Variants in SMAP1 observed in about 807,000 individuals in gnomAD.
SMAP1 encodes small ArfGAP 1.
Under a neutral mutation model 58.5 loss-of-function variants are expected in SMAP1, and 24 were observed. The observed-to-expected ratio is 0.41, with a 90% CI of 0.30 to 0.58. The LOEUF is 0.58. Among genes scored for constraint, SMAP1 ranks in the 20% least tolerant of loss-of-function variants. The pLI, the probability that SMAP1 is intolerant of heterozygous loss-of-function variation, is 0.29. For synonymous variants in SMAP1, 216 were observed against 196.6 expected (o/e 1.10, Z -0.82); for missense variants, 563 against 566.3 (o/e 0.99, Z 0.06).
intron 4 of SMAP1, among the ~76,000 whole-genome samples, chr6:70,774,950 C>T (rs1767487451): frequency 6.6e-6 from 1 of 150,666 alleles, no homozygotes; most frequent in South Asian, 2.1e-4. Context: ...GCAGAGGTTT[C>T]AGTGAGCTGA....
intron 6 of SMAP1, among the ~76,000 whole-genome samples, chr6:70,834,636 C>A (rs928526111): frequency 3.5e-4 from 54 of 152,184 alleles, no homozygotes; most frequent in African/African-American, 1.3e-3. Flanking sequence ...CCAATGAAGA[C>A]CCACCCCAGG....
chr6:70,802,554 T>G (rs1768910030), intron 6 of SMAP1, among the ~76,000 whole-genome samples: 2 of 152,016 alleles, frequency 1.3e-5, no homozygotes, highest in Non-Finnish European at 2.9e-5. Flanking sequence ...TGAATAGGAG[T>G]GGTGAGAGAG....
chr6:70,859,425 A>C, intron 10 of SMAP1: 1 of 1,523,794 alleles, frequency 6.6e-7, no homozygotes, highest in Non-Finnish European at 8.9e-7. Context: ...AGGTATGAAG[A>C]CGTGATCTGC....
chr6:70,752,081 T>C (rs1766302041), intron 2 of SMAP1, among the ~76,000 whole-genome samples: 1 of 152,230 alleles, frequency 6.6e-6, no homozygotes, highest in South Asian at 2.1e-4. Flanking sequence ...TTCTGTCTTG[T>C]CGTAAAATTT....
At chr6:70,810,115 T>G (rs575492111) in intron 6 of SMAP1, among the ~76,000 whole-genome samples, 42 of 152,334 alleles carry the variant, frequency 2.8e-4, no homozygotes, top group African/African-American at 9.4e-4. Context: ...GTATAGGGTT[T>G]CTTATTCTTT....
Position 70,744,105 on chromosome 6 carries a change from T to C in SMAP1, c.253-10875T>C, listed in dbSNP as rs1454947571. Among the ~76,000 whole-genome samples, 5 of 152,252 alleles carry C rather than the reference T, an allele frequency of 3.3e-5. No homozygotes were observed. In the South Asian group the frequency reaches 6.2e-4, roughly 19 times the overall value. On this transcript the variant is annotated intron_variant, in intron 2 of 10. Coordinates refer to ENST00000370455, the MANE Select transcript of SMAP1 (RefSeq NM_001044305.3). ...TCTGTTACATGTAGGTGATTATCACTATGTCAAAGGAGTGAACAAAATTGT... is the reference window on the plus strand; with the variant it reads ...TCTGTTACATGTAGGTGATTATCACCATGTCAAAGGAGTGAACAAAATTGT...
At chr6:70,803,265 A>G (rs1349054387) in intron 6 of SMAP1, among the ~76,000 whole-genome samples, 1 of 152,050 alleles carries the variant, frequency 6.6e-6, no homozygotes, top group East Asian at 1.9e-4. Flanking sequence ...ATCATTTTCT[A>G]GATTTTCTAG....
chr6:70,711,008 T>C (rs1582042241), intron 1 of SMAP1, among the ~76,000 whole-genome samples: 1 of 152,150 alleles, frequency 6.6e-6, no homozygotes, highest in Non-Finnish European at 1.5e-5. Flanking sequence ...ATAACACACA[T>C]GGAGCTGTCA....
chr6:70,824,129 T>A (rs1562186809), intron 6 of SMAP1, among the ~76,000 whole-genome samples: 5 of 152,208 alleles, frequency 3.3e-5, no homozygotes, highest in Admixed American at 2.6e-4. Context: ...GGCTACAGTT[T>A]GCCTTATGAC....
At chr6:70,844,199 AT>A (rs1191861242) in intron 7 of SMAP1, among the ~76,000 whole-genome samples, 1 of 152,162 alleles carries the variant, frequency 6.6e-6, no homozygotes, top group Non-Finnish European at 1.5e-5. Context: ...TATATTTCTT[AT>A]TTTTTGAGGC....
intron 1 of SMAP1, among the ~76,000 whole-genome samples, chr6:70,690,863 C>G (rs1010071036): frequency 2.0e-5 from 3 of 151,834 alleles, no homozygotes; most frequent in East Asian, 1.9e-4. Flanking sequence ...CCCCTTCCCC[C>G]CTTCCCCACT....
intron 4 of SMAP1, among the ~76,000 whole-genome samples, chr6:70,785,058 G>C (rs1329675901): frequency 6.6e-6 from 1 of 152,066 alleles, no homozygotes; most frequent in African/African-American, 2.4e-5. Flanking sequence ...TGGAAGTAAA[G>C]GTCTCCTCAG....
chr6:70,721,270 A>C (rs894485013), intron 1 of SMAP1, among the ~76,000 whole-genome samples: 1 of 152,158 alleles, frequency 6.6e-6, no homozygotes, highest in Non-Finnish European at 1.5e-5. Context: ...TTTTTCCGCC[A>C]GATACCCTAA....
chr6:70,727,266 G>T (rs1472391370), intron 1 of SMAP1, among the ~76,000 whole-genome samples: 1 of 151,998 alleles, frequency 6.6e-6, no homozygotes, highest in South Asian at 2.1e-4. Flanking sequence ...GTACCAACAC[G>T]CCCAGCTAAT....
intron 7 of SMAP1, among the ~76,000 whole-genome samples, chr6:70,843,893 G>C (rs1488462524): frequency 6.6e-6 from 1 of 152,218 alleles, no homozygotes. Flanking sequence ...CAGGTCATGG[G>C]AGATCACCAA....
intron 4 of SMAP1, among the ~76,000 whole-genome samples, chr6:70,776,789 A>T (rs1380685038): frequency 1.3e-5 from 2 of 152,210 alleles, no homozygotes; most frequent in Non-Finnish European, 2.9e-5. Flanking sequence ...AATGGCCCCC[A>T]GGATTATCCA....
chr6:70,683,471 A>T (rs531691040), intron 1 of SMAP1, among the ~76,000 whole-genome samples: 2 of 152,156 alleles, frequency 1.3e-5, no homozygotes, highest in East Asian at 3.9e-4. Flanking sequence ...AGAATATTGA[A>T]CATTTTTTAA....
At chr6:70,781,779 A>G (rs1228994803) in intron 4 of SMAP1, among the ~76,000 whole-genome samples, 2 of 152,198 alleles carry the variant, frequency 1.3e-5, no homozygotes, top group Non-Finnish European at 2.9e-5. Context: ...ACCTTTTCAA[A>G]GGGTGTTTGT....
intron 1 of SMAP1, among the ~76,000 whole-genome samples, chr6:70,706,131 T>C (rs1767827485): frequency 6.6e-6 from 1 of 152,176 alleles, no homozygotes; most frequent in Non-Finnish European, 1.5e-5. Context: ...CCAAACTTTA[T>C]CATTCTGTTC....
Sources: gnomAD v4.1 joint callset for allele counts (sites outside exome capture counted in the v4.1 genomes callset) on GRCh38, gnomAD v4.1.1 for gene constraint, MANE v1.5 for transcripts, NCBI Gene and HGNC (gene_info 2026-07-23, HGNC 2026-07-21) for gene names.